The following CELA3B variants were observed in gnomAD, a reference collection of about 807,000 sequenced individuals.
The protein encoded by CELA3B is chymotrypsin like elastase 3B, also known as chymotrypsin-like elastase family member 3B.
In CELA3B, 34 loss-of-function variants were observed where a neutral mutation model predicts 37.2. The ratio of observed to expected loss-of-function variants is 0.91; its 90% CI spans 0.70 to 1.22. The LOEUF is 1.22. Among genes scored for constraint, CELA3B ranks in the 50% most tolerant of loss-of-function variants. The pLI, the probability that CELA3B is intolerant of heterozygous loss-of-function variation, is 0.00. For missense variants in CELA3B, 340 were observed against 363.1 expected, an observed-to-expected ratio of 0.94 and a Z score of 0.52; for synonymous variants, 127 against 143.5, an observed-to-expected ratio of 0.89 and a Z score of 0.82.
In CELA3B at chr1:21,980,854, T is replaced by C; in HGVS notation, c.160T>C (p.Phe54Leu). Reference sequence around the variant, plus strand: ...CCTGCAGTATGAGAAAAGCGGAAGCTTCTACCACACCTGTGGCGGTAGCCT... The same window carrying C: ...CCTGCAGTATGAGAAAAGCGGAAGCCTCTACCACACCTGTGGCGGTAGCCT... ...VSLQYEKSGSFYHTCGGSLIA... is the reference protein window; with the variant it reads ...VSLQYEKSGSLYHTCGGSLIA... Residue 54 changes from phenylalanine to leucine, a missense_variant, in exon 3 of 8, where the codon TTC (phenylalanine) becomes CTC (leucine). Phe to Leu is a conservative substitution (Grantham distance 22). Coordinates refer to ENST00000337107, the MANE Select transcript of CELA3B (RefSeq NM_007352.4). 2 of 1,607,394 alleles carry C rather than the reference T, an allele frequency of 1.2e-6. No individual in the cohort carries two copies. Among genetic ancestry groups the C allele is most frequent in the Non-Finnish European group, 1.7e-6 (2 of 1,176,306 alleles).
In CELA3B at chr1:21,981,126, G is replaced by T. The variant is rs780136393; in HGVS notation, c.316G>T (p.Asp106Tyr). 9.9e-6 allele frequency: 16 copies of T among 1,612,868 alleles called. No homozygotes were observed. Among genetic ancestry groups the T allele is most frequent in the Middle Eastern group, 2.0e-4 (1 of 5,128 alleles). ...PEQVIPINSG[D>Y]LFVHPLWNRS... ...GCAGGTGATCCCCATCAACTCTGGGGACCTCTTTGTGCATCCACTCTGGAA... is the reference window on the plus strand; with the variant it reads ...GCAGGTGATCCCCATCAACTCTGGGTACCTCTTTGTGCATCCACTCTGGAA... Residue 106 changes from aspartate to tyrosine, a missense_variant, in exon 4 of 8, where the codon GAC (aspartate) becomes TAC (tyrosine). Asp to Tyr is a radical substitution (Grantham distance 160). Transcript: ENST00000337107.
chr1:21,988,791 G>C (rs923642880), intron 7 of CELA3B, among the ~76,000 whole-genome samples: 2 of 151,884 alleles, frequency 1.3e-5, no homozygotes, highest in African/African-American at 4.9e-5. Flanking sequence ...TTGGGAGGCT[G>C]AGGCAGGAGA....
chr1:21,989,339 T>C lies in CELA3B; in HGVS notation c.*60T>C. 2 of 1,304,916 alleles carry C rather than the reference T, an allele frequency of 1.5e-6. No homozygotes were observed. Among genetic ancestry groups the C allele is most frequent in the Non-Finnish European group, 2.2e-6 (2 of 921,288 alleles). 80.8% of individuals were successfully genotyped at this position (1,304,916 alleles called of 1,614,324 possible). A position where few individuals can be genotyped will look rare whatever the true frequency, so the allele number is the denominator to read the frequency against. The stretch of plus-strand genomic sequence containing the variant: ...ACATCCTGAATAAAGAATAAAGATC[T>C]CTCAGAAAATTCCAAGTTGAATCTT... On this transcript the variant is annotated 3_prime_UTR_variant, in exon 8 of 8. Transcript: ENST00000337107.
Position 21,984,214 on chromosome 1 carries a change from G to A in CELA3B, c.525G>A (p.Leu175=). The A allele has an allele frequency of 2.5e-6, 4 of 1,614,062 alleles. No homozygotes were observed. The highest frequency in any genetic ancestry group is 2.5e-6 in the Non-Finnish European group (3 of 1,179,962). The part of the protein sequence containing the change: ...LYTNGPLPDK[L]QEALLPVVDY... ...CCAACGGGCCACTCCCAGACAAGCT[G>A]CAGGAGGCCCTGCTGCCGGTGGTGG... Residue 175 remains leucine, a synonymous_variant, in exon 6 of 8, where the codon CTG becomes CTA. Transcript: ENST00000337107.
chr1:21,980,681 T>A, intron 2 of CELA3B, 143 bp from the exon 3 acceptor site: 1 of 643,820 alleles, frequency 1.6e-6, no homozygotes, highest in Non-Finnish European at 2.7e-6. Context: ...GCAGGTTGTA[T>A]GCTGCATATT....
At chr1:21,978,567 T>G in intron 2 of CELA3B, 113 bp downstream of exon 2, 1 of 1,314,842 alleles carries the variant, frequency 7.6e-7, no homozygotes, top group South Asian at 1.2e-5. Context: ...CCACTTCAGC[T>G]TCCAAAGACC....
At chr1:21,988,104 C>T (rs1477947718) in intron 7 of CELA3B, among the ~76,000 whole-genome samples, 2 of 150,862 alleles carry the variant, frequency 1.3e-5, no homozygotes, top group East Asian at 3.9e-4. Context: ...CCCAGCTACT[C>T]AGGAGGCTGA....
intron 6 of CELA3B, among the ~76,000 whole-genome samples, chr1:21,986,161 G>A (rs1296877729): frequency 1.3e-5 from 2 of 151,060 alleles, no homozygotes; most frequent in African/African-American, 2.4e-5. Flanking sequence ...CTGAGGTCAG[G>A]ACTTTGAGAC....
chr1:21,998,101 G>A (rs1310080197), intron 4 of CELA3B: 1 of 468,928 alleles, frequency 2.1e-6, no homozygotes, highest in East Asian at 7.0e-5. Context: ...TTAAGTCTAA[G>A]GTATTTTAAA....
intron 4 of CELA3B, among the ~76,000 whole-genome samples, chr1:21,996,253 G>A (rs1296491703): frequency 6.6e-6 from 1 of 150,952 alleles, no homozygotes; most frequent in East Asian, 2.0e-4. Flanking sequence ...GCCAGTTAAG[G>A]TTAAGGCATT....
At position 21,980,883 on chromosome 1, in the gene CELA3B, C is replaced by T. The variant is rs143442995; in HGVS notation, c.189C>T (p.Ile63=). 7,850 of 1,612,476 alleles carry T rather than the reference C, an allele frequency of 4.9e-3. 40 individuals carry two copies. Among genetic ancestry groups the T allele is most frequent in the Admixed American group, 6.0e-3 (360 of 59,818 alleles). ...ACCACACCTGTGGCGGTAGCCTCAT[C>T]GCCCCCGACTGGGTTGTGACTGCCG... ...SFYHTCGGSL[I]APDWVVTAGH... Residue 63 remains isoleucine (I), a synonymous_variant, in exon 3 of 8, where the codon ATC becomes ATT. Coordinates refer to ENST00000337107, the MANE Select transcript of CELA3B (RefSeq NM_007352.4).
chr1:21,977,246 G>A (rs1283059375), intron 1 of CELA3B, among the ~76,000 whole-genome samples, 164 bp downstream of exon 1: 1 of 152,110 alleles, frequency 6.6e-6, no homozygotes, highest in Non-Finnish European at 1.5e-5. Flanking sequence ...AGCTTATGAT[G>A]GAGCAGGAGA....
chr1:21,977,630 G>C (rs772612837), intron 1 of CELA3B, among the ~76,000 whole-genome samples: 4 of 152,172 alleles, frequency 2.6e-5, no homozygotes, highest in Non-Finnish European at 4.4e-5. Context: ...AACAGCCTCA[G>C]GAGATCAGTA....
At chr1:21,988,804 G>T (rs1294709619) in intron 7 of CELA3B, among the ~76,000 whole-genome samples, 6 of 151,192 alleles carry the variant, frequency 4.0e-5, no homozygotes, top group Non-Finnish European at 8.8e-5. Context: ...GCAGGAGAAT[G>T]GCATGAACCC....
chr1:21,989,964 A>G (rs1379133803), downstream of CELA3B, among the ~76,000 whole-genome samples: 1 of 150,880 alleles, frequency 6.6e-6, no homozygotes, highest in African/African-American at 2.5e-5. Context: ...CTCACAGTTC[A>G]GCATGGCTGG....
downstream of CELA3B, among the ~76,000 whole-genome samples, chr1:21,993,473 A>T (rs1644877300): frequency 6.8e-6 from 1 of 147,710 alleles, no homozygotes; most frequent in African/African-American, 2.6e-5. Context: ...AAAAAAAAAA[A>T]AAAAAAGAAG....
At chr1:21,994,205 A>G (rs540159735), downstream of CELA3B, among the ~76,000 whole-genome samples, 3 of 151,048 alleles carry the variant, frequency 2.0e-5, no homozygotes, top group Admixed American at 6.6e-5. Flanking sequence ...CACCTATGAC[A>G]GCAGGCTTCT....
chr1:21,995,436 C>T (rs12566806), intron 4 of CELA3B, among the ~76,000 whole-genome samples: 40,675 of 150,830 alleles, frequency 0.27, 6,673 homozygotes, highest in East Asian at 0.42. Flanking sequence ...CTGCACCCTG[C>T]TTGTTAAGAG....
intron 4 of CELA3B, among the ~76,000 whole-genome samples, chr1:21,995,984 C>A (rs537674752): frequency 6.7e-6 from 1 of 149,856 alleles, no homozygotes; most frequent in Non-Finnish European, 1.5e-5. Context: ...GAGGCTGAGG[C>A]GGGCAGATCA....
Sources: allele counts gnomAD v4.1 joint callset (sites outside exome capture counted in the v4.1 genomes callset), GRCh38; gene constraint gnomAD v4.1.1; transcripts MANE v1.5; gene names NCBI Gene and HGNC (gene_info 2026-07-23, HGNC 2026-07-21).